Variants in SERPINI1 observed in about 807,000 individuals in gnomAD.
The protein encoded by SERPINI1 is neuroserpin.
In SERPINI1, 19 loss-of-function variants were observed where a neutral mutation model predicts 41.1. The observed-to-expected ratio is 0.46, with a 90% CI of 0.32 to 0.68. The LOEUF (loss-of-function observed/expected upper bound fraction) is 0.68. Among genes scored for constraint, SERPINI1 ranks in the 30% least tolerant of loss-of-function variants. SERPINI1 has a pLI of 0.03. For synonymous variants in SERPINI1, 138 were observed against 156.6 expected, an observed-to-expected ratio of 0.88 and a Z score of 0.89; for missense variants, 460 against 479.2, an observed-to-expected ratio of 0.96 and a Z score of 0.37.
chr3:167,775,676 C>T (rs1038700777), intron 1 of SERPINI1, among the ~76,000 whole-genome samples: 2 of 147,362 alleles, frequency 1.4e-5, no homozygotes, highest in African/African-American at 5.2e-5. Context: ...TGAATATCTC[C>T]TTGAACAATG....
chr3:167,824,686 CT>C, intron 8 of SERPINI1, 124 bp downstream of exon 8: 1 of 633,746 alleles, frequency 1.6e-6, no homozygotes, highest in East Asian at 2.8e-5. Flanking sequence ...TATTTATTCT[CT>C]TTCCAGAGAT....
chr3:167,808,667 A>T (rs1711749090), intron 6 of SERPINI1, among the ~76,000 whole-genome samples: 1 of 152,226 alleles, frequency 6.6e-6, no homozygotes, highest in African/African-American at 2.4e-5. Context: ...CAGCCTATAG[A>T]GAATCAAGCT....
chr3:167,817,940 A>G (rs1329782750), intron 6 of SERPINI1, among the ~76,000 whole-genome samples: 1 of 151,552 alleles, frequency 6.6e-6, no homozygotes, highest in Non-Finnish European at 1.5e-5. Flanking sequence ...AGTCTAGCTC[A>G]TGGTAAATCT....
chr3:167,788,376 T>G (rs1233136395), intron 1 of SERPINI1, among the ~76,000 whole-genome samples: 4 of 152,184 alleles, frequency 2.6e-5, no homozygotes, highest in Non-Finnish European at 1.5e-5. Context: ...AAACACCAGT[T>G]TGTTTGGTGT....
At chr3:167,770,727 C>T (rs1434764415) in intron 1 of SERPINI1, among the ~76,000 whole-genome samples, 9 of 152,158 alleles carry the variant, frequency 5.9e-5, no homozygotes, top group African/African-American at 2.2e-4. Flanking sequence ...CTATAAATGA[C>T]TTTTACAATT....
At chr3:167,757,818 C>A (rs1030233623) in intron 1 of SERPINI1, among the ~76,000 whole-genome samples, 1 of 152,118 alleles carries the variant, frequency 6.6e-6, no homozygotes, top group African/African-American at 2.4e-5. Context: ...ACTCGGGAGG[C>A]TGAGGCAGAA....
intron 1 of SERPINI1, among the ~76,000 whole-genome samples, chr3:167,773,421 C>CT (rs34923113): frequency 0.13 from 19,485 of 152,108 alleles, 1,522 homozygotes; most frequent in African/African-American, 0.21. Context: ...ATTTCCCCTA[C>CT]TTTTTTTCAC....
intron 4 of SERPINI1, among the ~76,000 whole-genome samples, chr3:167,793,700 C>G (rs1488685898): frequency 6.6e-6 from 1 of 150,974 alleles, no homozygotes; most frequent in African/African-American, 2.4e-5. Flanking sequence ...CTGCAGTGAG[C>G]TATGATCACA....
chr3:167,771,338 A>G (rs1002709763), intron 1 of SERPINI1, among the ~76,000 whole-genome samples: 2 of 152,294 alleles, frequency 1.3e-5, no homozygotes, highest in East Asian at 1.9e-4. Flanking sequence ...TTTTTAAATG[A>G]GAAGATTCTT....
chr3:167,805,137 T>G (rs1437837774), intron 5 of SERPINI1, among the ~76,000 whole-genome samples: 1 of 152,198 alleles, frequency 6.6e-6, no homozygotes, highest in African/African-American at 2.4e-5. Flanking sequence ...AAAAAACTCT[T>G]AAGTGTACTA....
chr3:167,814,384 C>T (rs368705175), intron 6 of SERPINI1, among the ~76,000 whole-genome samples: 20 of 152,116 alleles, frequency 1.3e-4, no homozygotes, highest in African/African-American at 1.4e-4. Context: ...TTATTCCTAT[C>T]GTAAGAGAAC....
Position 167,792,587 on chromosome 3 carries a change from T to A in SERPINI1, c.482-3T>A. 6.2e-7 allele frequency: 1 copy of A among 1,612,816 alleles called. No homozygotes were observed. The highest frequency in any genetic ancestry group is 1.3e-5 in the African/African-American group (1 of 75,000). On this transcript the variant is annotated splice_polypyrimidine_tract_variant and splice_region_variant and intron_variant, in intron 3 of 8. Coordinates refer to ENST00000446050, the MANE Select transcript of SERPINI1 (RefSeq NM_001122752.2). ...TTTTATCTATTCATTTTTTCCTAAATAGATCTGGTGAAAGATTTGGTATCC... is the reference window on the plus strand; with the variant it reads ...TTTTATCTATTCATTTTTTCCTAAAAAGATCTGGTGAAAGATTTGGTATCC...
At chr3:167,762,289 C>T (rs1577404476) in intron 1 of SERPINI1, among the ~76,000 whole-genome samples, 1 of 152,148 alleles carries the variant, frequency 6.6e-6, no homozygotes, top group Admixed American at 6.6e-5. Context: ...TCCTGCAGTG[C>T]CCTTCTCCTC....
chr3:167,739,081 A>C (rs1234305914), intron 1 of SERPINI1, among the ~76,000 whole-genome samples: 1 of 151,250 alleles, frequency 6.6e-6, no homozygotes, highest in Non-Finnish European at 1.5e-5. Context: ...ATTAACGTAC[A>C]CAAATAAGGG....
chr3:167,740,478 A>T (rs1446364251), intron 1 of SERPINI1, among the ~76,000 whole-genome samples: 1 of 152,238 alleles, frequency 6.6e-6, no homozygotes, highest in African/African-American at 2.4e-5. Context: ...TACATAGTTC[A>T]TACTTGGTAA....
At chr3:167,752,409 C>A (rs1220567745) in intron 1 of SERPINI1, among the ~76,000 whole-genome samples, 1 of 152,170 alleles carries the variant, frequency 6.6e-6, no homozygotes, top group Non-Finnish European at 1.5e-5. Context: ...GACAGCTCCA[C>A]CTACCTACCC....
In SERPINI1 at chr3:167,792,578, T is replaced by C. The variant is rs1199672712; in HGVS notation, c.482-12T>C. ...AACATGAATTTTTATCTATTCATTT[T>C]TTCCTAAATAGATCTGGTGAAAGAT... On this transcript the variant is annotated splice_polypyrimidine_tract_variant and intron_variant, in intron 3 of 8. Coordinates refer to ENST00000446050, the MANE Select transcript of SERPINI1 (RefSeq NM_001122752.2). 9.3e-6 allele frequency: 15 copies of C among 1,609,970 alleles called. No homozygotes were observed. The highest frequency in any genetic ancestry group is 1.3e-5 in the Non-Finnish European group (15 of 1,177,064).
chr3:167,746,521 C>G (rs1725867932), intron 1 of SERPINI1, among the ~76,000 whole-genome samples: 1 of 152,094 alleles, frequency 6.6e-6, no homozygotes, highest in African/African-American at 2.4e-5. Context: ...TGAGAAGAAC[C>G]TTATATGCAG....
At chr3:167,750,925 T>C (rs761244877) in intron 1 of SERPINI1, among the ~76,000 whole-genome samples, 9 of 152,258 alleles carry the variant, frequency 5.9e-5, no homozygotes, top group Non-Finnish European at 1.2e-4. Context: ...TCTTGCATTC[T>C]TAAAAAATTA....
Sources: allele counts gnomAD v4.1 joint callset (sites outside exome capture counted in the v4.1 genomes callset), GRCh38; gene constraint gnomAD v4.1.1; transcripts MANE v1.5; gene names NCBI Gene and HGNC (gene_info 2026-07-23, HGNC 2026-07-21).